TSPAN9: variants seen among roughly 807,000 people sequenced by gnomAD.
TSPAN9 encodes the protein tetraspanin 9, also known as tetraspanin-9.
Under a neutral mutation model 31.0 loss-of-function variants are expected in TSPAN9, and 16 were observed. That is an observed-to-expected ratio of 0.52 (90% CI 0.35 to 0.78). TSPAN9 has a LOEUF of 0.78. Ranked by LOEUF, TSPAN9 falls within the 30% of genes least tolerant of loss-of-function variation. The probability of loss-of-function intolerance (pLI) is 0.01; values close to 1 mark genes in which losing one functional copy is unlikely to be tolerated. For missense variants in TSPAN9, 272 were observed against 312.5 expected (o/e 0.87, Z 0.98); for synonymous variants, 145 against 121.6 (o/e 1.19, Z -1.27).
rs1288672427 is a variant in TSPAN9, at chr12:3,170,072, A to G, written c.-17-31105A>G. On this transcript the variant is annotated intron_variant, in intron 2 of 8. Transcript: ENST00000011898. The surrounding 1 kb of genome is among the most constrained non-coding windows in gnomAD (Gnocchi z 4.4). ...TTTCTGGCTGCCGTGACCTTGAGCA[A>G]GTCCCTTTACTTCTCTCTGTTCCAC... Among the ~76,000 whole-genome samples the G allele has an allele frequency of 3.3e-5, 5 of 152,170 alleles. No individual in the cohort carries two copies. Among genetic ancestry groups the G allele is most frequent in the Admixed American group, 3.3e-4 (5 of 15,276 alleles).
intron 2 of TSPAN9, among the ~76,000 whole-genome samples, chr12:3,094,503 T>G (rs117951368): frequency 3.3e-3 from 502 of 151,916 alleles, no homozygotes; most frequent in Non-Finnish European, 5.0e-3. Context: ...TTTGGGTGGT[T>G]GTTTTAAATC....
intron 2 of TSPAN9, among the ~76,000 whole-genome samples, chr12:3,114,322 A>T (rs1304060431): frequency 6.6e-6 from 1 of 152,100 alleles, no homozygotes; most frequent in Non-Finnish European, 1.5e-5. Flanking sequence ...TTTCAACCTT[A>T]TAAAGTATAG....
At chr12:3,272,064 G>T (rs1862687950) in intron 3 of TSPAN9, among the ~76,000 whole-genome samples, 1 of 152,194 alleles carries the variant, frequency 6.6e-6, no homozygotes, top group Non-Finnish European at 1.5e-5. Flanking sequence ...GAAACATTAG[G>T]GAGCACTCAG....
rs958899487 is a variant in TSPAN9, at chr12:3,147,838, G to A, written c.-17-53339G>A. Reference sequence around the variant, plus strand: ...GTGGGTGCCCTTTGGTGAGAGGTGCGTTGTGAGTGCCTTGTTCTTAGTAAG... The same window carrying A: ...GTGGGTGCCCTTTGGTGAGAGGTGCATTGTGAGTGCCTTGTTCTTAGTAAG... On this transcript the variant is annotated intron_variant, in intron 2 of 8. Coordinates refer to ENST00000011898, the MANE Select transcript of TSPAN9 (RefSeq NM_006675.5). This position sits in a 1 kb window ranked among gnomAD's most constrained non-coding sequence, Gnocchi z 4.3. Among the ~76,000 whole-genome samples the A allele has an allele frequency of 6.6e-6, 1 of 152,196 alleles. No individual in the cohort carries two copies. The highest frequency in any genetic ancestry group is 1.5e-5 in the Non-Finnish European group (1 of 68,044).
At chr12:3,156,166 A>G (rs995821333) in intron 2 of TSPAN9, among the ~76,000 whole-genome samples, 1 of 152,142 alleles carries the variant, frequency 6.6e-6, no homozygotes, top group African/African-American at 2.4e-5. Flanking sequence ...GGCATTGAGA[A>G]GTGTGTCTGG....
chr12:3,153,112 C>T (rs1246388251), intron 2 of TSPAN9, among the ~76,000 whole-genome samples: 1 of 152,166 alleles, frequency 6.6e-6, no homozygotes, highest in African/African-American at 2.4e-5. Context: ...CCTTGAAGCC[C>T]TCTTCAGACT....
Position 3,225,136 on chromosome 12 carries a change from G to A in TSPAN9, c.63+23880G>A, listed in dbSNP as rs146545025. Among the ~76,000 whole-genome samples the A allele has an allele frequency of 1.2e-3, 178 of 152,310 alleles. 1 individual carries two copies. Among genetic ancestry groups the A allele is most frequent in the African/African-American group, 4.1e-3 (169 of 41,570 alleles). On this transcript the variant is annotated intron_variant, in intron 3 of 8. Transcript: ENST00000011898. ...CCTCGCACCCTGTGGTCCGAGCTGG[G>A]TTGGAGGTAAACACAGGAAGCCGTA...
intron 2 of TSPAN9, among the ~76,000 whole-genome samples, chr12:3,092,744 C>T (rs1039648064): frequency 5.3e-5 from 8 of 152,184 alleles, no homozygotes; most frequent in Non-Finnish European, 2.9e-5. Flanking sequence ...TGGATGTCCC[C>T]GTAAGGACAA....
At chr12:3,267,525 T>C (rs1862559216) in intron 3 of TSPAN9, among the ~76,000 whole-genome samples, 1 of 152,200 alleles carries the variant, frequency 6.6e-6, no homozygotes, top group African/African-American at 2.4e-5. Flanking sequence ...GCCAGTTACA[T>C]TGCCATCCTT....
rs1862945096 is a variant in TSPAN9 at position 3,283,550 on chromosome 12, G to A, written c.*434G>A. 1.2e-5 allele frequency: 2 copies of A among 161,298 alleles called. No homozygotes were observed. The highest frequency in any genetic ancestry group is 2.0e-4 in the South Asian group (1 of 5,028). The allele number at this position is 161,298 out of a possible 1,614,324, so 10.0% of individuals were successfully genotyped here. On this transcript the variant is annotated 3_prime_UTR_variant, in exon 9 of 9. Coordinates refer to ENST00000011898, the MANE Select transcript of TSPAN9 (RefSeq NM_006675.5). ...GCCACCATGGGGCACCTGGCGGGGC[G>A]GGGGTCTGCCGGCCTCTGGGCAAGG...
At chr12:3,259,531 G>T (rs1349332435) in intron 3 of TSPAN9, among the ~76,000 whole-genome samples, 1 of 152,192 alleles carries the variant, frequency 6.6e-6, no homozygotes, top group South Asian at 2.1e-4. Flanking sequence ...CAGAGCTCAC[G>T]TTTAGCAGGG....
At chr12:3,188,608 G>C (rs1165968962) in intron 2 of TSPAN9, among the ~76,000 whole-genome samples, 1 of 152,184 alleles carries the variant, frequency 6.6e-6, no homozygotes, top group Non-Finnish European at 1.5e-5. Context: ...CGCCTGGCCT[G>C]GCTGGGATGT....
chr12:3,129,085 C>T (rs1461371984), intron 2 of TSPAN9, among the ~76,000 whole-genome samples: 2 of 152,224 alleles, frequency 1.3e-5, no homozygotes, highest in African/African-American at 4.8e-5. Flanking sequence ...CATGCTGTAG[C>T]CTGTGTCAGA....
At chr12:3,104,383 C>T (rs111490848) in intron 2 of TSPAN9, among the ~76,000 whole-genome samples, 31,039 of 151,404 alleles carry the variant, frequency 0.21, 4,011 homozygotes, top group South Asian at 0.42. Flanking sequence ...GGTAGGGTCT[C>T]ACTCTGTCAC....
At chr12:3,138,720 G>A (rs952963914) in intron 2 of TSPAN9, among the ~76,000 whole-genome samples, 3 of 151,798 alleles carry the variant, frequency 2.0e-5, no homozygotes, top group South Asian at 2.1e-4. Context: ...TCCCAAAGTC[G>A]TGGGCTCAAG....
At chr12:3,184,208 G>A (rs2098359883) in intron 2 of TSPAN9, among the ~76,000 whole-genome samples, 1 of 151,998 alleles carries the variant, frequency 6.6e-6, no homozygotes, top group Non-Finnish European at 1.5e-5. Flanking sequence ...GACCAGTCTG[G>A]GCAACATGGC....
At chr12:3,214,231 T>C (rs558542750) in intron 3 of TSPAN9, among the ~76,000 whole-genome samples, 146 of 152,360 alleles carry the variant, frequency 9.6e-4, no homozygotes, top group African/African-American at 3.3e-3. Context: ...AAGGAGCTGA[T>C]GATTATTGAG....
chr12:3,142,555 T>C (rs894833558), intron 2 of TSPAN9, among the ~76,000 whole-genome samples: 1 of 152,188 alleles, frequency 6.6e-6, no homozygotes, highest in African/African-American at 2.4e-5. Context: ...TCTAATCTAG[T>C]AATCCTTTTG....
At chr12:3,167,810 G>A (rs952977857) in intron 2 of TSPAN9, among the ~76,000 whole-genome samples, 1 of 152,176 alleles carries the variant, frequency 6.6e-6, no homozygotes, top group African/African-American at 2.4e-5. Context: ...ACTTTCCTCC[G>A]GGGGCTTTGG....
Sources: allele counts gnomAD v4.1 joint callset (sites outside exome capture counted in the v4.1 genomes callset), GRCh38; gene constraint gnomAD v4.1.1; non-coding constraint Gnocchi (gnomAD v3.1); transcripts MANE v1.5; gene names NCBI Gene and HGNC (gene_info 2026-07-23, HGNC 2026-07-21).